Variants in SPECC1 observed in about 807,000 individuals in gnomAD.
SPECC1 encodes sperm antigen with calponin homology and coiled-coil domains 1.
Under a neutral mutation model 104.1 loss-of-function variants are expected in SPECC1, and 62 were observed. The ratio of observed to expected loss-of-function variants is 0.60; its 90% CI spans 0.49 to 0.74. SPECC1 has a LOEUF of 0.74. SPECC1 is among the 30% of genes least tolerant of loss of function. The pLI is 0.00. For synonymous variants in SPECC1, 513 were observed against 501.6 expected (o/e 1.02, Z -0.30); for missense variants, 1,306 against 1,310.5 (o/e 1.00, Z 0.05).
At chr17:20,111,999 A>G (rs2048519476) in intron 3 of SPECC1, 3 of 781,330 alleles carry the variant, frequency 3.8e-6, no homozygotes, top group Non-Finnish European at 2.4e-6. Context: ...ATCAGGGATG[A>G]TGATGTTTTG....
At chr17:20,035,684 C>T (rs567543123) in intron 1 of SPECC1, among the ~76,000 whole-genome samples, 1 of 152,120 alleles carries the variant, frequency 6.6e-6, no homozygotes, top group African/African-American at 2.4e-5. Context: ...TTCACAGGCA[C>T]AATCATTGTG....
chr17:20,079,855 C>G (rs1462622774), intron 1 of SPECC1, among the ~76,000 whole-genome samples: 1 of 152,128 alleles, frequency 6.6e-6, no homozygotes, highest in Non-Finnish European at 1.5e-5. Context: ...AGGGAGGGAT[C>G]CTTTCCCTGG....
At chr17:20,111,759 A>C (rs2048504212) in intron 3 of SPECC1, 6 of 729,036 alleles carry the variant, frequency 8.2e-6, no homozygotes, top group South Asian at 1.5e-5. Context: ...GAAGGAGAAA[A>C]AGGTGGGAGG....
In SPECC1 at chr17:20,205,884, T is replaced by C. The variant is rs1334565238; in HGVS notation, c.1835T>C (p.Ile612Thr). Residue 612 changes from isoleucine to threonine, a missense_variant, in exon 4 of 15, where the codon ATT becomes ACT. Physicochemically the swap from Ile to Thr is moderately conservative, Grantham distance 89 (BLOSUM62 -1). Coordinates refer to ENST00000395527, the MANE Select transcript of SPECC1 (RefSeq NM_001243439.2). ...GAATTACTAAAGGCAAACGGTGAAA[T>C]TAAACATGTTTCCAGTCTGCTGGCC... is the stretch of plus-strand genomic sequence containing the variant. ...RQELLKANGE[I>T]KHVSSLLAKV... 6.2e-7 allele frequency: 1 copy of C among 1,612,202 alleles called. No homozygotes were observed. The highest frequency in any genetic ancestry group is 2.2e-5 in the East Asian group (1 of 44,894).
At chr17:20,212,242 T>C (rs545074905) in intron 4 of SPECC1, among the ~76,000 whole-genome samples, 38 of 152,336 alleles carry the variant, frequency 2.5e-4, no homozygotes, top group African/African-American at 9.1e-4. Flanking sequence ...TTATCAGCAG[T>C]GTCTATTCAC....
At chr17:20,268,528 A>G (rs189414994) in intron 12 of SPECC1, among the ~76,000 whole-genome samples, 5 of 152,372 alleles carry the variant, frequency 3.3e-5, no homozygotes, top group Admixed American at 2.0e-4. Context: ...CAATTCAAAG[A>G]ACATAAAGCC....
intron 1 of SPECC1, among the ~76,000 whole-genome samples, chr17:20,038,459 G>C (rs138116530): frequency 0.055 from 8,168 of 147,184 alleles, 293 homozygotes; most frequent in Non-Finnish European, 0.08. Flanking sequence ...GCGTGCAGTG[G>C]CACAATCTTG....
chr17:20,251,368 A>G (rs2039628936), intron 9 of SPECC1, among the ~76,000 whole-genome samples: 1 of 152,142 alleles, frequency 6.6e-6, no homozygotes, highest in African/African-American at 2.4e-5. Context: ...AAGGGTCTGT[A>G]TTATATATCT....
intron 7 of SPECC1, among the ~76,000 whole-genome samples, chr17:20,245,569 C>T (rs1303002291): frequency 6.6e-6 from 1 of 152,100 alleles, no homozygotes; most frequent in Non-Finnish European, 1.5e-5. Flanking sequence ...ACTGCATTCA[C>T]CATTGACAGT....
intron 12 of SPECC1, among the ~76,000 whole-genome samples, chr17:20,284,978 C>T (rs1483413242): frequency 6.6e-6 from 1 of 152,190 alleles, no homozygotes; most frequent in Non-Finnish European, 1.5e-5. Flanking sequence ...CTCATGGAGG[C>T]ACCTGGAGGT....
chr17:20,224,398 G>A (rs2038084135), intron 4 of SPECC1, among the ~76,000 whole-genome samples: 1 of 152,194 alleles, frequency 6.6e-6, no homozygotes, highest in South Asian at 2.1e-4. Context: ...AGCAGATGGG[G>A]AATCTAGCCA....
intron 4 of SPECC1, among the ~76,000 whole-genome samples, chr17:20,222,169 A>G (rs186641383): frequency 3.2e-4 from 48 of 152,252 alleles, no homozygotes; most frequent in Non-Finnish European, 5.6e-4. Flanking sequence ...CCCTGTCTCT[A>G]CTAAAAATAC....
intron 9 of SPECC1, among the ~76,000 whole-genome samples, chr17:20,251,697 A>G (rs2039639016): frequency 6.6e-6 from 1 of 152,222 alleles, no homozygotes; most frequent in Non-Finnish European, 1.5e-5. Context: ...ATGAATATCA[A>G]TAGAGAATCA....
chr17:20,259,809 C>T (rs781116929), intron 11 of SPECC1, among the ~76,000 whole-genome samples: 1 of 152,088 alleles, frequency 6.6e-6, no homozygotes, highest in Non-Finnish European at 1.5e-5. Flanking sequence ...CTGCACCCAG[C>T]CAATCTACCT....
intron 1 of SPECC1, among the ~76,000 whole-genome samples, chr17:20,083,963 T>G (rs1321427452): frequency 6.6e-6 from 1 of 152,216 alleles, no homozygotes; most frequent in Non-Finnish European, 1.5e-5. Flanking sequence ...TGGTTTCAAT[T>G]TGCATTTTCT....
intron 3 of SPECC1, among the ~76,000 whole-genome samples, chr17:20,123,798 C>A (rs1466731637): frequency 1.3e-5 from 2 of 152,208 alleles, no homozygotes; most frequent in African/African-American, 4.8e-5. Context: ...TATGTGCTAA[C>A]CACTGTTCTC....
chr17:20,315,447 A>G lies in SPECC1; in HGVS notation c.*1382A>G, dbSNP rs369366382. ...TGTTCTTCTGGGCGGATCTGTGTGC[A>G]CTACACAGCGAGTGAGGGCGTGGCT... is the stretch of plus-strand genomic sequence containing the variant. On this transcript the variant is annotated 3_prime_UTR_variant, in exon 15 of 15. Coordinates refer to ENST00000395527, the MANE Select transcript of SPECC1 (RefSeq NM_001243439.2). The G allele has an allele frequency of 2.6e-5, 6 of 232,768 alleles. No homozygotes were observed. Among genetic ancestry groups the G allele is most frequent in the East Asian group, 2.4e-4 (4 of 16,518 alleles). The allele number at this position is 232,768 out of a possible 1,614,324, so 14.4% of individuals were successfully genotyped here. A position where few individuals can be genotyped will look rare whatever the true frequency, so the allele number is the denominator to read the frequency against.
At chr17:20,271,168 T>C (rs2040393037) in intron 12 of SPECC1, among the ~76,000 whole-genome samples, 1 of 152,178 alleles carries the variant, frequency 6.6e-6, no homozygotes, top group Non-Finnish European at 1.5e-5. Flanking sequence ...GCCTGAGAGC[T>C]CTGCTTCCTG....
At chr17:20,299,489 G>A (rs1394149343) in intron 13 of SPECC1, among the ~76,000 whole-genome samples, 1 of 139,104 alleles carries the variant, frequency 7.2e-6, no homozygotes, top group Admixed American at 7.7e-5. Flanking sequence ...GACTCTGGGA[G>A]TTTGAGGCTG....
Sources: gnomAD v4.1 joint callset for allele counts (sites outside exome capture counted in the v4.1 genomes callset) on GRCh38, gnomAD v4.1.1 for gene constraint, MANE v1.5 for transcripts, NCBI Gene and HGNC (gene_info 2026-07-23, HGNC 2026-07-21) for gene names.